The following SLC35D2 variants were observed in gnomAD, a reference collection of about 807,000 sequenced individuals.
The protein encoded by SLC35D2 is solute carrier family 35 member D2, also known as nucleotide sugar transporter SLC35D2.
A neutral mutation model predicts 41.8 loss-of-function variants in SLC35D2; 43 were observed. The observed-to-expected ratio is 1.03, with a 90% CI of 0.81 to 1.33. SLC35D2 has a LOEUF of 1.33. Ranked by LOEUF, SLC35D2 falls within the 40% of genes most tolerant of loss-of-function variation. The probability of loss-of-function intolerance (pLI) is 0.00; values close to 1 mark genes in which losing one functional copy is unlikely to be tolerated. For synonymous variants in SLC35D2, 150 were observed against 163.9 expected (o/e 0.92, Z 0.65); for missense variants, 380 against 408.4 (o/e 0.93, Z 0.60).
intron 9 of SLC35D2, among the ~76,000 whole-genome samples, chr9:96,336,351 G>A (rs1269156040): frequency 2.6e-5 from 4 of 152,024 alleles, no homozygotes; most frequent in African/African-American, 9.7e-5. Context: ...GTCCAGCCTG[G>A]GCAACACAGT....
intron 8 of SLC35D2, among the ~76,000 whole-genome samples, chr9:96,341,440 T>C (rs1181859943): frequency 2.0e-5 from 3 of 152,226 alleles, no homozygotes; most frequent in Non-Finnish European, 2.9e-5. Context: ...GATGTGTTTC[T>C]AGAGCCAGAG....
At chr9:96,344,509 T>TAAA (rs35407925) in intron 7 of SLC35D2, among the ~76,000 whole-genome samples, 10 of 10,024 alleles carry the variant, frequency 1.0e-3, no homozygotes, top group Non-Finnish European at 1.3e-3. Context: ...CTTCTACCGT[T>TAAA]AAAAAAAAAA....
At chr9:96,360,021 C>G in intron 4 of SLC35D2, 133 bp downstream of exon 4, 2 of 533,246 alleles carry the variant, frequency 3.8e-6, no homozygotes, top group Admixed American at 3.3e-5. Context: ...ACCTTACTTT[C>G]TTAAACTACT....
At chr9:96,371,618 A>T (rs1830688131) in intron 1 of SLC35D2, among the ~76,000 whole-genome samples, 1 of 150,734 alleles carries the variant, frequency 6.6e-6, no homozygotes, top group South Asian at 2.1e-4. Context: ...AGACATATTA[A>T]TCCTTGTAGT....
intron 9 of SLC35D2, among the ~76,000 whole-genome samples, chr9:96,331,894 A>G (rs1828827597): frequency 6.6e-6 from 1 of 152,288 alleles, no homozygotes; most frequent in East Asian, 1.9e-4. Flanking sequence ...CATGCTCCTT[A>G]TAAGAATCCA....
chr9:96,318,645 G>A (rs929053740), downstream of SLC35D2, among the ~76,000 whole-genome samples: 13 of 151,878 alleles, frequency 8.6e-5, no homozygotes, highest in East Asian at 2.3e-3. Flanking sequence ...ACCACTAATC[G>A]ATTAATTAGG....
Position 96,360,167 on chromosome 9 carries a change from T to C in SLC35D2, c.334A>G (p.Thr112Ala), listed in dbSNP as rs368132918. 1 of 1,612,602 alleles carries C rather than the reference T, an allele frequency of 6.2e-7. No homozygotes were observed. Among genetic ancestry groups the C allele is most frequent in the Non-Finnish European group, 8.5e-7 (1 of 1,178,908 alleles). Residue 112 changes from threonine to alanine, a missense_variant, in exon 4 of 12, where the codon ACA (threonine) becomes GCA (alanine). Thr to Ala is a moderately conservative substitution (Grantham distance 58). Transcript: ENST00000253270. ...VGNHISGLSS[T>A]SKLSLPMFTV... ...CCTATACTCTACCTTAATTTACTTGTGCTTGATAATCCACTTATGTGGTTT... is the reference window on the plus strand; with the variant it reads ...CCTATACTCTACCTTAATTTACTTGCGCTTGATAATCCACTTATGTGGTTT...
At chr9:96,382,459 AAT>A (rs1312649464) in intron 1 of SLC35D2, among the ~76,000 whole-genome samples, 2 of 136,728 alleles carry the variant, frequency 1.5e-5, no homozygotes, top group Non-Finnish European at 3.0e-5. Context: ...GTCTCAAAAA[AAT>A]ATTATACACA....
chr9:96,344,075 C>T, intron 7 of SLC35D2, 79 bp from the exon 8 acceptor site: 5 of 800,880 alleles, frequency 6.2e-6, no homozygotes, highest in Non-Finnish European at 1.0e-5. Context: ...TATACAACTG[C>T]ATATTCATGC....
At chr9:96,322,531 A>C (rs1486256178) in intron 10 of SLC35D2, among the ~76,000 whole-genome samples, 2 of 152,136 alleles carry the variant, frequency 1.3e-5, no homozygotes, top group Admixed American at 6.6e-5. Context: ...AAAAATAAAT[A>C]AATAAGCCAT....
intron 1 of SLC35D2, among the ~76,000 whole-genome samples, chr9:96,371,039 T>C (rs1007612205): frequency 1.8e-4 from 27 of 152,276 alleles, no homozygotes; most frequent in African/African-American, 6.0e-4. Flanking sequence ...CTTTAAAAGA[T>C]AAATTGATCT....
At chr9:96,333,463 C>T (rs370393244) in intron 9 of SLC35D2, among the ~76,000 whole-genome samples, 19 of 151,720 alleles carry the variant, frequency 1.3e-4, no homozygotes, top group African/African-American at 4.6e-4. Context: ...GCCGTGGTGG[C>T]GGGCGCCTGT....
chr9:96,327,790 T>C (rs1178570412), intron 9 of SLC35D2, among the ~76,000 whole-genome samples: 3 of 151,714 alleles, frequency 2.0e-5, no homozygotes, highest in Non-Finnish European at 4.4e-5. Context: ...CTTGGCTAAT[T>C]TTTAAATTTT....
intron 11 of SLC35D2, among the ~76,000 whole-genome samples, chr9:96,315,680 G>T (rs370540968): frequency 2.0e-5 from 3 of 152,038 alleles, no homozygotes; most frequent in South Asian, 2.1e-4. Context: ...TGATCCACCC[G>T]CCTCGGCCTC....
At position 96,383,462 on chromosome 9, in the gene SLC35D2, C is replaced by T. The variant is rs1340022625; in HGVS notation, c.158+15G>A. 1 of 1,521,354 alleles carries T rather than the reference C, an allele frequency of 6.6e-7. No homozygotes were observed. The allele number at this position is 1,521,354 out of a possible 1,614,324, so 94.2% of individuals were successfully genotyped here. A position where few individuals can be genotyped will look rare whatever the true frequency, so the allele number is the denominator to read the frequency against. On this transcript the variant is annotated intron_variant, in intron 1 of 11. Coordinates refer to ENST00000253270, the MANE Select transcript of SLC35D2 (RefSeq NM_007001.3). ...CGCACTCCCGCAGACCCCCCGGCCC[C>T]GGGCCCCGCCTCACCCGTAGGTGGT...
chr9:96,325,111 C>G (rs1218669068), intron 9 of SLC35D2, among the ~76,000 whole-genome samples: 1 of 152,216 alleles, frequency 6.6e-6, no homozygotes, highest in Non-Finnish European at 1.5e-5. Flanking sequence ...AGGCACTTAA[C>G]ATGACCGTAG....
At chr9:96,342,332 G>A (rs926283412) in intron 8 of SLC35D2, among the ~76,000 whole-genome samples, 1 of 152,070 alleles carries the variant, frequency 6.6e-6, no homozygotes, top group Non-Finnish European at 1.5e-5. Context: ...GTTTCATCAC[G>A]TTGGCCAGGC....
At chr9:96,379,125 C>A (rs973349518) in intron 1 of SLC35D2, among the ~76,000 whole-genome samples, 25 of 148,922 alleles carry the variant, frequency 1.7e-4, no homozygotes, top group Admixed American at 1.3e-4. Flanking sequence ...TAGCAAGAAC[C>A]CCTCTCTACA....
intron 4 of SLC35D2, among the ~76,000 whole-genome samples, chr9:96,354,880 C>A (rs1829955601): frequency 6.7e-6 from 1 of 150,128 alleles, no homozygotes; most frequent in Non-Finnish European, 1.5e-5. Flanking sequence ...GACTTGTGTG[C>A]AGAAAACTAC....
Sources: allele counts gnomAD v4.1 joint callset (sites outside exome capture counted in the v4.1 genomes callset), GRCh38; gene constraint gnomAD v4.1.1; transcripts MANE v1.5; gene names NCBI Gene and HGNC (gene_info 2026-07-23, HGNC 2026-07-21).